Variants in PAX5 observed in about 807,000 individuals in gnomAD.
The protein encoded by PAX5 is paired box protein Pax-5.
Under a neutral mutation model 43.7 loss-of-function variants are expected in PAX5, and 9 were observed. The ratio of observed to expected loss-of-function variants is 0.21; its 90% confidence interval spans 0.12 to 0.36. The LOEUF (loss-of-function observed/expected upper bound fraction) is 0.36. Ranked by LOEUF, PAX5 falls within the 10% of genes least tolerant of loss-of-function variation. PAX5 has a pLI of 1.00. For missense variants in PAX5, 383 were observed against 532.7 expected, an observed-to-expected ratio of 0.72 and a Z score of 2.77; for synonymous variants, 228 against 214.3, an observed-to-expected ratio of 1.06 and a Z score of -0.56.
At chr9:36,942,844 G>A (rs1264487288) in intron 6 of PAX5, among the ~76,000 whole-genome samples, 2 of 152,246 alleles carry the variant, frequency 1.3e-5, no homozygotes, top group African/African-American at 2.4e-5. Flanking sequence ...GCAAGAGAGT[G>A]AGCCCAGGAG....
chr9:36,910,767 C>CCA (rs1216400623), intron 7 of PAX5, among the ~76,000 whole-genome samples: 4 of 152,142 alleles, frequency 2.6e-5, no homozygotes, highest in African/African-American at 9.7e-5. Flanking sequence ...CCAGAGGTGA[C>CCA]CAAGCCCTGA....
At chr9:36,841,276 C>T (rs565345102) in intron 9 of PAX5, among the ~76,000 whole-genome samples, 2 of 152,360 alleles carry the variant, frequency 1.3e-5, no homozygotes, top group East Asian at 3.9e-4. Context: ...CTGTGCCTGG[C>T]CCTGCTAGGG....
intron 5 of PAX5, among the ~76,000 whole-genome samples, chr9:36,979,545 T>G (rs1326856445): frequency 6.6e-6 from 1 of 152,212 alleles, no homozygotes; most frequent in Non-Finnish European, 1.5e-5. Context: ...GAAACATTCA[T>G]CAGCTTATCT....
At chr9:36,904,225 A>G (rs1156315900) in intron 7 of PAX5, among the ~76,000 whole-genome samples, 1 of 152,158 alleles carries the variant, frequency 6.6e-6, no homozygotes, top group East Asian at 1.9e-4. Flanking sequence ...ATGGGACCCT[A>G]GCTTGGGCCT....
chr9:36,903,013 G>A (rs533705882), intron 7 of PAX5, among the ~76,000 whole-genome samples: 35 of 152,262 alleles, frequency 2.3e-4, no homozygotes, highest in Non-Finnish European at 4.3e-4. Context: ...GACCTGGGCC[G>A]AGGTTCCCCA....
At chr9:36,991,590 TGAA>T (rs1415485025) in intron 5 of PAX5, among the ~76,000 whole-genome samples, 2 of 152,220 alleles carry the variant, frequency 1.3e-5, no homozygotes, top group East Asian at 1.9e-4. Flanking sequence ...TGAATGCTGC[TGAA>T]GAAGTGAGAC....
chr9:36,938,373 TTAA>T (rs1831738974), intron 6 of PAX5, among the ~76,000 whole-genome samples: 1 of 152,224 alleles, frequency 6.6e-6, no homozygotes, highest in Admixed American at 6.5e-5. Flanking sequence ...AGTTGGATTT[TTAA>T]TAATTTCTTC....
Position 36,921,914 on chromosome 9 carries a change from G to T in PAX5, c.910+1441C>A, listed in dbSNP as rs73648172. On this transcript the variant is annotated intron_variant, in intron 7 of 9. Coordinates refer to ENST00000358127, the MANE Select transcript of PAX5 (RefSeq NM_016734.3). ...CTTGTCATGGATTCTTGTGACACCA[G>T]GGGAGGGGACCCCCTCGGACACCTG... 4.0e-3 allele frequency among the ~76,000 whole-genome samples: 606 copies of T among 152,292 alleles called. 1 individual carries two copies. Among genetic ancestry groups the T allele is most frequent in the African/African-American group, 0.013 (523 of 41,574 alleles).
At chr9:36,912,197 A>G (rs550004375) in intron 7 of PAX5, among the ~76,000 whole-genome samples, 1 of 152,224 alleles carries the variant, frequency 6.6e-6, no homozygotes, top group East Asian at 1.9e-4. Flanking sequence ...TTATGCCCCC[A>G]GGGCAGAGAT....
intron 5 of PAX5, among the ~76,000 whole-genome samples, chr9:37,001,810 C>CT (rs3073720): frequency 0.14 from 12,575 of 87,954 alleles, 994 homozygotes; most frequent in Non-Finnish European, 0.16. Context: ...ACAGCTCTGG[C>CT]TTTTTTTTTT....
chr9:37,023,245 G>A (rs916825188), intron 1 of PAX5, among the ~76,000 whole-genome samples: 4 of 152,120 alleles, frequency 2.6e-5, no homozygotes, highest in East Asian at 1.9e-4. Flanking sequence ...GGCACACAAC[G>A]GGAGGCAATA....
At chr9:36,928,981 C>T (rs1830885530) in intron 6 of PAX5, among the ~76,000 whole-genome samples, 1 of 152,198 alleles carries the variant, frequency 6.6e-6, no homozygotes, top group Non-Finnish European at 1.5e-5. Flanking sequence ...CTGCATGTCT[C>T]TTTTGGCTTT....
intron 5 of PAX5, among the ~76,000 whole-genome samples, chr9:36,986,615 C>CCTGGGGA (rs1836441201): frequency 6.6e-6 from 1 of 152,048 alleles, no homozygotes; most frequent in African/African-American, 2.4e-5. Context: ...AGTCGTCTGC[C>CCTGGGGA]CTCCGCCCCC....
At chr9:36,862,809 G>A (rs1007090756) in intron 8 of PAX5, among the ~76,000 whole-genome samples, 5 of 152,144 alleles carry the variant, frequency 3.3e-5, no homozygotes, top group Admixed American at 6.5e-5. Flanking sequence ...CCTCCAATGC[G>A]GCAGAAACTC....
At chr9:36,856,243 T>C (rs571165355) in intron 8 of PAX5, among the ~76,000 whole-genome samples, 1 of 152,326 alleles carries the variant, frequency 6.6e-6, no homozygotes, top group Non-Finnish European at 1.5e-5. Context: ...GTGAAATCCA[T>C]GCTGGAAAGA....
intron 6 of PAX5, among the ~76,000 whole-genome samples, chr9:36,946,173 G>C (rs1051513828): frequency 6.6e-5 from 10 of 152,054 alleles, no homozygotes; most frequent in Admixed American, 3.3e-4. Context: ...GACTCCCTGA[G>C]GAGTGCTCCG....
intron 8 of PAX5, among the ~76,000 whole-genome samples, chr9:36,857,562 G>A (rs1823795561): frequency 6.6e-6 from 1 of 152,194 alleles, no homozygotes; most frequent in East Asian, 1.9e-4. Context: ...ATACTAGCTA[G>A]GGTATCCAGG....
At chr9:36,923,234 A>G (rs1830325696) in intron 7 of PAX5, 121 bp downstream of exon 7, 4 of 1,272,940 alleles carry the variant, frequency 3.1e-6, no homozygotes, top group Non-Finnish European at 1.1e-6. Flanking sequence ...AGGCCTCATA[A>G]CCTTGTTAAA....
rs960710378 is a variant in PAX5 at position 36,862,195 on chromosome 9, C to T, written c.1013-15266G>A. On this transcript the variant is annotated intron_variant, in intron 8 of 9. Transcript: ENST00000358127. ...CAAAAGCCATAAAAATGGGTCCCTA[C>T]GGGGTTGTGGTGAGGATTCTAAGAG... Among the ~76,000 whole-genome samples, 5 of 152,130 alleles carry T rather than the reference C, an allele frequency of 3.3e-5. No homozygotes were observed. The South Asian group carries it at 6.2e-4, about 19-fold the overall frequency.
Sources: allele counts gnomAD v4.1 joint callset (sites outside exome capture counted in the v4.1 genomes callset), GRCh38; gene constraint gnomAD v4.1.1; transcripts MANE v1.5; gene names NCBI Gene and HGNC (gene_info 2026-07-23, HGNC 2026-07-21).